VWA3B: variants seen among roughly 807,000 people sequenced by gnomAD.
VWA3B encodes von Willebrand factor A domain containing 3B, also known as von Willebrand factor A domain-containing protein 3B.
Under a neutral mutation model 158.3 loss-of-function variants are expected in VWA3B, and 138 were observed. The ratio of observed to expected loss-of-function variants is 0.87; its 90% CI spans 0.76 to 1.00. The LOEUF is 1.00. VWA3B is among the 50% of genes least tolerant of loss of function. The pLI is 0.00. For missense variants in VWA3B, 1,555 were observed against 1,565.1 expected (o/e 0.99, Z 0.11); for synonymous variants, 596 against 587.3 (o/e 1.01, Z -0.21).
chr2:98,162,589 T>G (rs1029097002), intron 7 of VWA3B, among the ~76,000 whole-genome samples: 1 of 152,250 alleles, frequency 6.6e-6, no homozygotes, highest in Non-Finnish European at 1.5e-5. Context: ...CAATAATTCA[T>G]TTTAAATATT....
At chr2:98,167,814 C>T (rs1679217526) in intron 8 of VWA3B, among the ~76,000 whole-genome samples, 1 of 152,180 alleles carries the variant, frequency 6.6e-6, no homozygotes, top group Admixed American at 6.5e-5. Flanking sequence ...TGCCTGTTTT[C>T]ATCAGCCTGA....
intron 22 of VWA3B, among the ~76,000 whole-genome samples, chr2:98,286,099 G>T (rs768449560): frequency 1.3e-4 from 20 of 151,474 alleles, no homozygotes; most frequent in Admixed American, 4.6e-4. Flanking sequence ...TAGAAATACA[G>T]TTGATTTTTT....
chr2:98,137,467 C>G lies in VWA3B; in HGVS notation c.988+3528C>G, dbSNP rs969827192. Among the ~76,000 whole-genome samples the G allele has an allele frequency of 3.7e-4, 57 of 152,140 alleles. 1 individual carries two copies. Among genetic ancestry groups the G allele is most frequent in the African/African-American group, 1.3e-3 (54 of 41,498 alleles). The stretch of plus-strand genomic sequence containing the variant: ...TTTTAAAAAGTCAAAGTTAATGCCA[C>G]AAAAATCCATGATGATGAAAATATC... On this transcript the variant is annotated intron_variant, in intron 7 of 27. Coordinates refer to ENST00000477737, the MANE Select transcript of VWA3B (RefSeq NM_144992.5).
chr2:98,187,546 CTT>C (rs1460943368), intron 9 of VWA3B, among the ~76,000 whole-genome samples: 1 of 152,096 alleles, frequency 6.6e-6, no homozygotes, highest in Non-Finnish European at 1.5e-5. Context: ...GTCGCTCTCT[CTT>C]CTTTACCAGG....
the VWA3B span, among the ~76,000 whole-genome samples, chr2:98,329,715 A>G: frequency 6.6e-6 from 1 of 152,222 alleles, no homozygotes; most frequent in African/African-American, 2.4e-5. Flanking sequence ...ATTGAGGTCC[A>G]TGGTCAGTTG....
At chr2:98,327,888 C>T in the VWA3B span, among the ~76,000 whole-genome samples, 4 of 152,184 alleles carry the variant, frequency 2.6e-5, no homozygotes, top group East Asian at 1.9e-4. Context: ...AAACCTCATC[C>T]GACAGCTGTT....
chr2:98,095,404 C>T (rs1682644952), intron 2 of VWA3B, among the ~76,000 whole-genome samples: 1 of 151,848 alleles, frequency 6.6e-6, no homozygotes, highest in Non-Finnish European at 1.5e-5. Flanking sequence ...GAATGGTTTC[C>T]TTTTACACTT....
At chr2:98,154,582 C>T (rs1032307736) in intron 7 of VWA3B, among the ~76,000 whole-genome samples, 4 of 152,176 alleles carry the variant, frequency 2.6e-5, no homozygotes, top group Admixed American at 1.3e-4. Context: ...GGCTGCACTA[C>T]GTCTTGTTTA....
intron 9 of VWA3B, 85 bp from the exon 10 acceptor site, chr2:98,187,890 A>C: frequency 7.1e-7 from 1 of 1,409,284 alleles, no homozygotes; most frequent in Non-Finnish European, 9.4e-7. Context: ...GAGCCACTTG[A>C]ATACGACAGA....
At chr2:98,153,509 G>A (rs1355419773) in intron 7 of VWA3B, among the ~76,000 whole-genome samples, 3 of 152,192 alleles carry the variant, frequency 2.0e-5, no homozygotes, top group Non-Finnish European at 2.9e-5. Flanking sequence ...CATTCAGGCT[G>A]CTATGCTTAA....
intron 12 of VWA3B, among the ~76,000 whole-genome samples, chr2:98,202,877 G>C (rs2105483396): frequency 6.6e-6 from 1 of 152,218 alleles, no homozygotes; most frequent in African/African-American, 2.4e-5. Context: ...TTGTCGCCCA[G>C]GCTGGACTGC....
At chr2:98,092,792 C>T (rs1402788662) in intron 1 of VWA3B, among the ~76,000 whole-genome samples, 6 of 130,792 alleles carry the variant, frequency 4.6e-5, no homozygotes, top group South Asian at 2.5e-4. Flanking sequence ...AAACCTGTTA[C>T]GGAATATCTT....
chr2:98,293,331 T>C (rs1357922080), intron 23 of VWA3B, among the ~76,000 whole-genome samples: 1 of 152,188 alleles, frequency 6.6e-6, no homozygotes, highest in Non-Finnish European at 1.5e-5. Flanking sequence ...TATTTGAATT[T>C]AGTCATATAA....
intron 22 of VWA3B, among the ~76,000 whole-genome samples, chr2:98,274,621 C>A (rs976790191): frequency 2.0e-5 from 3 of 151,984 alleles, no homozygotes; most frequent in Admixed American, 2.0e-4. Flanking sequence ...GGAGGAGGTA[C>A]CAGAAAACGA....
At chr2:98,145,941 T>G (rs1055801642) in intron 7 of VWA3B, among the ~76,000 whole-genome samples, 3 of 152,060 alleles carry the variant, frequency 2.0e-5, no homozygotes, top group African/African-American at 7.2e-5. Flanking sequence ...CGCTATGTTT[T>G]CCAGGCTGGT....
intron 23 of VWA3B, 124 bp downstream of exon 23, chr2:98,290,746 C>A: frequency 1.4e-6 from 1 of 691,210 alleles, no homozygotes; most frequent in Non-Finnish European, 2.4e-6. Flanking sequence ...AGCTAGTCCA[C>A]TTTTCACAGA....
chr2:98,131,816 G>A (rs561823549), intron 6 of VWA3B, among the ~76,000 whole-genome samples: 1 of 152,292 alleles, frequency 6.6e-6, no homozygotes, highest in South Asian at 2.1e-4. Context: ...CAGAGAGCTT[G>A]ATTGAGATGC....
Position 98,230,203 on chromosome 2 carries a change from C to A in VWA3B, c.2304C>A (p.His768Gln), listed in dbSNP as rs377557539. The A allele has an allele frequency of 1.7e-5, 27 of 1,569,450 alleles. No homozygotes were observed. Among genetic ancestry groups the A allele is most frequent in the Non-Finnish European group, 2.2e-5 (26 of 1,164,798 alleles). ...AGGTTCAGAAAAAGAAAGTCCTTCA[C>A]GCAGGTATCAGTGAACAAAATGGCT... ...DQKVQKKKVL[H>Q]AESTKTSLLR... The change falls in exon 16 of 28, where the codon CAC (histidine) becomes CAA (glutamine). Residue 768 changes from histidine to glutamine, a missense_variant. Coordinates refer to ENST00000477737, the MANE Select transcript of VWA3B (RefSeq NM_144992.5).
chr2:98,328,531 A>G, the VWA3B span, among the ~76,000 whole-genome samples: 3 of 152,234 alleles, frequency 2.0e-5, no homozygotes, highest in Non-Finnish European at 4.4e-5. Flanking sequence ...ACAAAACTCA[A>G]TTGTATTTCT....
Sources: allele counts gnomAD v4.1 joint callset (sites outside exome capture counted in the v4.1 genomes callset), GRCh38; gene constraint gnomAD v4.1.1; transcripts MANE v1.5; gene names NCBI Gene and HGNC (gene_info 2026-07-23, HGNC 2026-07-21).